Variants in ATP11A observed in about 807,000 individuals in gnomAD.
The protein encoded by ATP11A is ATPase phospholipid transporting 11A, also known as phospholipid-transporting ATPase IH.
A neutral mutation model predicts 154.4 loss-of-function variants in ATP11A; 81 were observed. The observed-to-expected ratio is 0.52, with a 90% CI of 0.44 to 0.63. ATP11A has a LOEUF of 0.63. Among genes scored for constraint, ATP11A ranks in the 30% least tolerant of loss-of-function variants. The pLI is 0.00. For missense variants in ATP11A, 1,316 were observed against 1,474.3 expected (o/e 0.89, Z 1.76); for synonymous variants, 623 against 585.9 (o/e 1.06, Z -0.91).
At chr13:112,720,724 A>T (rs553357221) in intron 1 of ATP11A, among the ~76,000 whole-genome samples, 6 of 152,110 alleles carry the variant, frequency 3.9e-5, no homozygotes, top group Admixed American at 2.6e-4. Flanking sequence ...CGCCCGGCTA[A>T]TTTTTGTATT....
At chr13:112,695,905 A>G (rs942903630) in intron 1 of ATP11A, among the ~76,000 whole-genome samples, 7 of 152,258 alleles carry the variant, frequency 4.6e-5, no homozygotes, top group Non-Finnish European at 1.0e-4. Flanking sequence ...ATAGCAAGCA[A>G]GTTTTACAGA....
chr13:112,839,914 G>A (rs982942418), intron 16 of ATP11A, among the ~76,000 whole-genome samples: 3 of 152,176 alleles, frequency 2.0e-5, no homozygotes, highest in African/African-American at 4.8e-5. Context: ...ATTCTGAACT[G>A]TATCTGATGA....
chr13:112,765,910 TC>T, intron 1 of ATP11A, among the ~76,000 whole-genome samples: 1 of 152,324 alleles, frequency 6.6e-6, no homozygotes, highest in Non-Finnish European at 1.5e-5. Context: ...ACCGCCAGGG[TC>T]CTCCCCCTTC....
Position 112,857,704 on chromosome 13 carries a change from AT to A in ATP11A, c.2419-107del, listed in dbSNP as rs564691238. The A allele has an allele frequency of 2.1e-4, 184 of 855,838 alleles. 4 individuals carry two copies. In the East Asian group the frequency reaches 4.4e-3, roughly 20 times the overall value. The allele number at this position is 855,838 out of a possible 1,614,324, so 53.0% of individuals were successfully genotyped here. ...GTCGTAAATTACCTCTAAGTAGTTA[AT>A]TTTTTTATTTGCCTAGGCTAACTTT... On this transcript the variant is annotated intron_variant, in intron 20 of 29. Transcript: ENST00000375645.
At chr13:112,767,874 C>T (rs965108645) in intron 1 of ATP11A, among the ~76,000 whole-genome samples, 4 of 152,098 alleles carry the variant, frequency 2.6e-5, no homozygotes, top group African/African-American at 9.7e-5. Context: ...GTGCAGACCC[C>T]TCGCAGCACT....
At chr13:112,711,064 G>A (rs1887687054) in intron 1 of ATP11A, among the ~76,000 whole-genome samples, 1 of 151,716 alleles carries the variant, frequency 6.6e-6, no homozygotes, top group Non-Finnish European at 1.5e-5. Context: ...GGGTTGGAGG[G>A]CTGGCATGTT....
At chr13:112,828,397 T>G (rs2078999848) in intron 12 of ATP11A, among the ~76,000 whole-genome samples, 2 of 94,680 alleles carry the variant, frequency 2.1e-5, no homozygotes, top group African/African-American at 4.3e-5. Flanking sequence ...TGGTGTTGAG[T>G]AGGGGGGAAA....
At chr13:112,749,378 T>G (rs2076636212) in intron 1 of ATP11A, among the ~76,000 whole-genome samples, 1 of 152,254 alleles carries the variant, frequency 6.6e-6, no homozygotes, top group Non-Finnish European at 1.5e-5. Flanking sequence ...ATTTTAAAAG[T>G]CTTTCACTAT....
chr13:112,731,935 G>GGT (rs1594458632), intron 1 of ATP11A, among the ~76,000 whole-genome samples: 1 of 136,894 alleles, frequency 7.3e-6, no homozygotes, highest in East Asian at 2.0e-4. Context: ...GAGAAATGGG[G>GGT]GCGGGGGGGG....
At chr13:112,783,438 C>T (rs190314823) in intron 1 of ATP11A, among the ~76,000 whole-genome samples, 1 of 152,214 alleles carries the variant, frequency 6.6e-6, no homozygotes, top group African/African-American at 2.4e-5. Flanking sequence ...GCTCCAGGAC[C>T]CTGAGAAAGT....
At chr13:112,827,853 A>G (rs2078972537) in intron 12 of ATP11A, among the ~76,000 whole-genome samples, 1 of 152,248 alleles carries the variant, frequency 6.6e-6, no homozygotes, top group Admixed American at 6.5e-5. Context: ...ACATTTGATG[A>G]GTTTGACTTT....
At chr13:112,854,208 C>T (rs1397933590) in intron 18 of ATP11A, 71 bp from the exon 19 acceptor site, 8 of 1,535,248 alleles carry the variant, frequency 5.2e-6, no homozygotes, top group South Asian at 2.4e-5. Context: ...CAAGTTTCTG[C>T]AGTTCCTTAT....
At chr13:112,714,294 C>T (rs1888175943) in intron 1 of ATP11A, among the ~76,000 whole-genome samples, 1 of 152,116 alleles carries the variant, frequency 6.6e-6, no homozygotes, top group South Asian at 2.1e-4. Context: ...CGCTGCCGCT[C>T]CAGCTGTGTT....
At chr13:112,741,230 A>G (rs2139750222) in intron 1 of ATP11A, among the ~76,000 whole-genome samples, 1 of 151,286 alleles carries the variant, frequency 6.6e-6, no homozygotes, top group East Asian at 2.0e-4. Context: ...TGTAGTCGGG[A>G]GGGTTGGGCA....
Position 112,851,028 on chromosome 13 carries a change from G to A in ATP11A, c.1810-9G>A. On this transcript the variant is annotated splice_polypyrimidine_tract_variant and intron_variant, in intron 17 of 29. Coordinates refer to ENST00000375645, the MANE Select transcript of ATP11A (RefSeq NM_015205.3). ...GAATTCGTGCTAAACGCTGCATTGT[G>A]TTCTGCAGGAGGGGCTCCGAACTTT... 1.9e-6 allele frequency: 3 copies of A among 1,612,474 alleles called. No individual in the cohort carries two copies. The highest frequency in any genetic ancestry group is 2.5e-6 in the Non-Finnish European group (3 of 1,178,766).
intron 25 of ATP11A, among the ~76,000 whole-genome samples, chr13:112,870,439 C>T (rs895266994): frequency 1.3e-5 from 2 of 152,174 alleles, no homozygotes; most frequent in South Asian, 2.1e-4. Flanking sequence ...AGTGTAGTGG[C>T]GTGATCTCTG....
At chr13:112,782,597 A>G (rs1243806461) in intron 1 of ATP11A, among the ~76,000 whole-genome samples, 1 of 152,246 alleles carries the variant, frequency 6.6e-6, no homozygotes, top group Non-Finnish European at 1.5e-5. Context: ...ATGCTTTTAA[A>G]GTCCACATCC....
chr13:112,738,899 T>C (rs1159045305), intron 1 of ATP11A, among the ~76,000 whole-genome samples: 1 of 152,066 alleles, frequency 6.6e-6, no homozygotes, highest in Non-Finnish European at 1.5e-5. Flanking sequence ...CTTCTTCCCC[T>C]AGTGAAACAG....
intron 29 of ATP11A, chr13:112,880,612 C>G (rs572044555): frequency 1.5e-6 from 2 of 1,298,850 alleles, no homozygotes; most frequent in East Asian, 5.6e-5. Context: ...CCTGAAGGAC[C>G]TCCTACGGCG....
Sources: allele counts gnomAD v4.1 joint callset (sites outside exome capture counted in the v4.1 genomes callset), GRCh38; gene constraint gnomAD v4.1.1; transcripts MANE v1.5; gene names NCBI Gene and HGNC (gene_info 2026-07-23, HGNC 2026-07-21).